RELCH: variants seen among roughly 807,000 people sequenced by gnomAD.
RELCH encodes RAB11 binding and LisH domain, coiled-coil and HEAT repeat containing.
Under a neutral mutation model 150.3 loss-of-function variants are expected in RELCH, and 41 were observed. The observed-to-expected ratio is 0.27, with a 90% CI of 0.21 to 0.35. The LOEUF (loss-of-function observed/expected upper bound fraction) is 0.35, where lower values mean the gene tolerates loss of function less well. Among genes scored for constraint, RELCH ranks in the 10% least tolerant of loss-of-function variants. RELCH has a pLI of 1.00. For missense variants in RELCH, 1,092 were observed against 1,467.8 expected (o/e 0.74, Z 4.18); for synonymous variants, 478 against 531.8 (o/e 0.90, Z 1.39).
intron 1 of RELCH, among the ~76,000 whole-genome samples, chr18:62,195,425 G>T (rs564300131): frequency 6.6e-5 from 10 of 152,218 alleles, no homozygotes; most frequent in Admixed American, 6.5e-4. Flanking sequence ...CACTGAGCAG[G>T]TTATAGTAAC....
At position 62,279,791 on chromosome 18, in the gene RELCH, G is replaced by C. The variant is rs35402055; in HGVS notation, c.2985G>C (p.Val995=). The change falls in exon 23 of 29, where the codon GTG becomes GTC. Residue 995 remains valine (V), a synonymous_variant. Coordinates refer to ENST00000644646, the MANE Select transcript of RELCH (RefSeq NM_001346231.2). ...CCAATCAGCTGTTGGTGAAGGGGGTGAATGAAACTCTGGTAGCTCAGAGGG... is the reference window on the plus strand; with the variant it reads ...CCAATCAGCTGTTGGTGAAGGGGGTCAATGAAACTCTGGTAGCTCAGAGGG... The part of the protein sequence containing the change: ...ARMFELLVKG[V]NETLVAQRVV... 3.5e-4 allele frequency: 543 copies of C among 1,535,658 alleles called. 2 individuals carry two copies. The African/African-American group carries it at 6.6e-3, about 19-fold the overall frequency.
chr18:62,303,475 T>G (rs771926861), intron 28 of RELCH, among the ~76,000 whole-genome samples: 4 of 152,224 alleles, frequency 2.6e-5, no homozygotes, highest in Non-Finnish European at 4.4e-5. Flanking sequence ...ATGGTTGGCC[T>G]CCTCTTAGAA....
intron 2 of RELCH, among the ~76,000 whole-genome samples, chr18:62,216,837 A>G (rs2040503996): frequency 7.7e-6 from 1 of 129,360 alleles, no homozygotes; most frequent in African/African-American, 3.0e-5. Context: ...AGGATTAAAT[A>G]AGCCTATTTG....
chr18:62,279,651 A>G, intron 22 of RELCH, 123 bp from the exon 23 acceptor site: 2 of 613,228 alleles, frequency 3.3e-6, no homozygotes, highest in East Asian at 5.8e-5. Context: ...CTTAGCTTCT[A>G]ATTTTGGTTT....
chr18:62,217,250 G>T (rs540838538), intron 2 of RELCH, among the ~76,000 whole-genome samples: 1 of 151,924 alleles, frequency 6.6e-6, no homozygotes, highest in Non-Finnish European at 1.5e-5. Context: ...TGGGAAAAAA[G>T]AAAAAGAGTT....
intron 22 of RELCH, among the ~76,000 whole-genome samples, chr18:62,276,829 G>T (rs1435048339): frequency 1.3e-5 from 2 of 152,040 alleles, no homozygotes; most frequent in Non-Finnish European, 2.9e-5. Context: ...TTTTTGTGAT[G>T]ATGAATGCCA....
chr18:62,219,025 A>G (rs1042422777), intron 2 of RELCH, among the ~76,000 whole-genome samples: 2 of 152,100 alleles, frequency 1.3e-5, no homozygotes, highest in Admixed American at 6.6e-5. Flanking sequence ...GAAATGTACT[A>G]TAGATTCAAA....
rs907749251 is a variant in RELCH at position 62,308,585 on chromosome 18, C to T, written c.*3051C>T. The T allele has an allele frequency of 1.3e-4, 20 of 152,056 alleles. No homozygotes were observed. The highest frequency in any genetic ancestry group is 2.4e-4 in the African/African-American group (10 of 41,390). 9.4% of individuals were successfully genotyped at this position (152,056 alleles called of 1,614,324 possible). ...TACAAAAATTAGCCAGGCGTGGTGA[C>T]GTGGGCCTGTAATCCCTGCTACTCG... On this transcript the variant is annotated 3_prime_UTR_variant, in exon 29 of 29. Coordinates refer to ENST00000644646, the MANE Select transcript of RELCH (RefSeq NM_001346231.2).
At position 62,187,529 on chromosome 18, in the gene RELCH, T is replaced by G; in HGVS notation, c.24T>G (p.Gly8=). The G allele has an allele frequency of 6.6e-7, 1 of 1,509,968 alleles. No individual in the cohort carries two copies. The highest frequency in any genetic ancestry group is 8.9e-7 in the Non-Finnish European group (1 of 1,128,596). 93.5% of individuals were successfully genotyped at this position (1,509,968 alleles called of 1,614,324 possible). A position where few individuals can be genotyped will look rare whatever the true frequency, so the allele number is the denominator to read the frequency against. MAAMAPG[G]SGSGGGVNPF... is the part of the protein sequence containing the mutation. ...AGATGGCGGCGATGGCGCCTGGAGG[T>G]AGTGGCAGTGGTGGCGGCGTGAATC... Residue 8 remains glycine (G), a synonymous_variant, in exon 1 of 29, where the codon GGT becomes GGG. Coordinates refer to ENST00000644646, the MANE Select transcript of RELCH (RefSeq NM_001346231.2).
At chr18:62,210,102 G>GT (rs1243637176) in intron 1 of RELCH, among the ~76,000 whole-genome samples, 2 of 152,058 alleles carry the variant, frequency 1.3e-5, no homozygotes, top group Non-Finnish European at 2.9e-5. Context: ...TGGTTTCATG[G>GT]TTTTTTATGA....
intron 19 of RELCH, 104 bp from the exon 20 acceptor site, chr18:62,268,765 G>GTAACC (rs148383213): frequency 0.091 from 49,289 of 539,222 alleles, 2,838 homozygotes; most frequent in South Asian, 0.17. Flanking sequence ...ATACTTACTT[G>GTAACC]TAACCTAGTA....
chr18:62,220,126 A>G (rs964387588), intron 2 of RELCH, among the ~76,000 whole-genome samples: 2 of 152,148 alleles, frequency 1.3e-5, no homozygotes, highest in East Asian at 3.9e-4. Context: ...TCATAATCAC[A>G]CTCTGTGATA....
chr18:62,301,297 G>A (rs1292140125), intron 28 of RELCH, among the ~76,000 whole-genome samples: 2 of 152,186 alleles, frequency 1.3e-5, no homozygotes, highest in Non-Finnish European at 2.9e-5. Flanking sequence ...AATTCTGTGT[G>A]CCACACTGGG....
chr18:62,229,520 G>GTGTA lies in RELCH; in HGVS notation c.1448+923_1448+924insGTAT, dbSNP rs1491500558. ...TGTGTGTGTGTGTGTGTGTGTGTGT[G>GTGTA]TCTGTCTGTCTGTCTGTCTGTGTTG... On this transcript the variant is annotated intron_variant, in intron 8 of 28. Transcript: ENST00000644646. 8.0e-3 allele frequency among the ~76,000 whole-genome samples: 1,145 copies of GTGTA among 142,378 alleles called. 4 individuals carry two copies. Among genetic ancestry groups the GTGTA allele is most frequent in the South Asian group, 0.014 (61 of 4,434 alleles). The allele number at this position is 142,378 out of a possible 152,430, so 93.4% of individuals were successfully genotyped here.
chr18:62,235,532 T>A (rs949484451), intron 10 of RELCH: 3 of 152,068 alleles, frequency 2.0e-5, no homozygotes, highest in African/African-American at 7.2e-5. Context: ...AATCTGTAGA[T>A]CTCTTTGGGA....
intron 2 of RELCH, 50 bp from the exon 3 acceptor site, chr18:62,220,987 C>A: frequency 7.1e-7 from 1 of 1,410,716 alleles, no homozygotes; most frequent in Non-Finnish European, 9.9e-7. Flanking sequence ...TTTTTGTTTC[C>A]CTTTTCTTGG....
At position 62,274,783 on chromosome 18, in the gene RELCH, G is replaced by T. The variant is rs143362593; in HGVS notation, c.2868-591G>T. Among the ~76,000 whole-genome samples the T allele has an allele frequency of 5.9e-5, 9 of 152,234 alleles. No individual in the cohort carries two copies. In the East Asian group the frequency reaches 1.7e-3, roughly 29 times the overall value. On this transcript the variant is annotated intron_variant, in intron 21 of 28. Coordinates refer to ENST00000644646, the MANE Select transcript of RELCH (RefSeq NM_001346231.2). Reference sequence around the variant, plus strand: ...ATTTGTTTCTTCATAATTTTAACTTGCATGCTATTAAAAAGAGTGGAATTA... The same window carrying T: ...ATTTGTTTCTTCATAATTTTAACTTTCATGCTATTAAAAAGAGTGGAATTA...
chr18:62,210,929 T>C (rs1394971710), intron 1 of RELCH, among the ~76,000 whole-genome samples: 1 of 152,222 alleles, frequency 6.6e-6, no homozygotes, highest in African/African-American at 2.4e-5. Context: ...ATTCCCTGTG[T>C]GTGCATTATT....
At chr18:62,269,692 T>C (rs2043786212) in intron 20 of RELCH, among the ~76,000 whole-genome samples, 1 of 152,224 alleles carries the variant, frequency 6.6e-6, no homozygotes, top group Non-Finnish European at 1.5e-5. Context: ...CATTTTCTTA[T>C]ACTTTTTCAC....
Sources: allele counts gnomAD v4.1 joint callset (sites outside exome capture counted in the v4.1 genomes callset), GRCh38; gene constraint gnomAD v4.1.1; transcripts MANE v1.5; gene names NCBI Gene and HGNC (gene_info 2026-07-23, HGNC 2026-07-21).